ADARB1: variants seen among roughly 807,000 people sequenced by gnomAD.
ADARB1 encodes the protein adenosine deaminase RNA specific B1.
In ADARB1, 10 loss-of-function variants were observed where a neutral mutation model predicts 52.4. The ratio of observed to expected loss-of-function variants is 0.19; its 90% CI spans 0.12 to 0.32. ADARB1 has a LOEUF of 0.32. Ranked by LOEUF, ADARB1 falls within the 10% of genes least tolerant of loss-of-function variation. The pLI is 1.00. For missense variants in ADARB1, 643 were observed against 922.3 expected (o/e 0.70, Z 3.92); for synonymous variants, 349 against 371.1 (o/e 0.94, Z 0.68).
In ADARB1 at chr21:45,222,911, G is replaced by A. The variant is rs1332562805; in HGVS notation, c.*714G>A. 6 of 985,384 alleles carry A rather than the reference G, an allele frequency of 6.1e-6. No individual in the cohort carries two copies. In the East Asian group the frequency reaches 6.8e-4, roughly 112 times the overall value. The allele number at this position is 985,384 out of a possible 1,614,324, so 61.0% of individuals were successfully genotyped here. The stretch of plus-strand genomic sequence containing the variant: ...CAGAGGCGTGACCCAGGCCCCTGTA[G>A]CCCTCAGCCTCCTCTAGAAGCTTCT... On this transcript the variant is annotated 3_prime_UTR_variant, in exon 11 of 11. Transcript: ENST00000348831.
chr21:45,195,100 A>T (rs1311931611), intron 8 of ADARB1, among the ~76,000 whole-genome samples: 1 of 152,232 alleles, frequency 6.6e-6, no homozygotes, highest in African/African-American at 2.4e-5. Context: ...GTTTTGGGCC[A>T]TTCTAATACA....
chr21:45,126,249 G>A (rs1481301855), intron 1 of ADARB1, among the ~76,000 whole-genome samples: 2 of 152,178 alleles, frequency 1.3e-5, no homozygotes, highest in Non-Finnish European at 2.9e-5. Flanking sequence ...TCTATTTTTA[G>A]AAGTGGCTCA....
chr21:45,078,403 C>T (rs924015057), intron 1 of ADARB1, among the ~76,000 whole-genome samples: 4 of 152,164 alleles, frequency 2.6e-5, no homozygotes, highest in East Asian at 1.9e-4. Flanking sequence ...TGCCCTCAAG[C>T]GGTTCATTTT....
chr21:45,223,073 A>G lies in ADARB1; in HGVS notation c.*876A>G. 2.0e-6 allele frequency: 2 copies of G among 985,394 alleles called. No homozygotes were observed. The highest frequency in any genetic ancestry group is 2.4e-6 in the Non-Finnish European group (2 of 829,922). 61.0% of individuals were successfully genotyped at this position (985,394 alleles called of 1,614,324 possible). A position where few individuals can be genotyped will look rare whatever the true frequency, so the allele number is the denominator to read the frequency against. ...AGGATATTTAACTTTTATGGACTAG[A>G]AGGAATCACGAGGGCTACTGCACAA... On this transcript the variant is annotated 3_prime_UTR_variant, in exon 11 of 11. Transcript: ENST00000348831.
intron 2 of ADARB1, chr21:45,134,840 G>C (rs765379372): frequency 1.9e-6 from 1 of 534,086 alleles, no homozygotes; most frequent in South Asian, 1.4e-5. Context: ...CAGGTCAGTG[G>C]GTGATGGCAT....
At chr21:45,211,354 G>A (rs577706845) in intron 9 of ADARB1, among the ~76,000 whole-genome samples, 1 of 152,300 alleles carries the variant, frequency 6.6e-6, no homozygotes, top group South Asian at 2.1e-4. Flanking sequence ...CACTGGGGGT[G>A]CTGTGCACAG....
At chr21:45,096,645 G>A (rs961860216) in intron 1 of ADARB1, among the ~76,000 whole-genome samples, 2 of 152,326 alleles carry the variant, frequency 1.3e-5, no homozygotes, top group South Asian at 2.1e-4. Context: ...TCCTAGGGGC[G>A]ATCATACTAT....
At chr21:45,085,588 A>G (rs777237186) in intron 1 of ADARB1, among the ~76,000 whole-genome samples, 1 of 152,186 alleles carries the variant, frequency 6.6e-6, no homozygotes, top group East Asian at 1.9e-4. Context: ...AGTCCTTTAC[A>G]TACTATGTAT....
At chr21:45,216,067 A>G (rs1162012551) in intron 9 of ADARB1, among the ~76,000 whole-genome samples, 1 of 152,126 alleles carries the variant, frequency 6.6e-6, no homozygotes, top group Non-Finnish European at 1.5e-5. Flanking sequence ...TTTGTCTTTC[A>G]GGGAATTTGT....
At chr21:45,109,148 C>T (rs1012090274) in intron 1 of ADARB1, among the ~76,000 whole-genome samples, 1 of 151,126 alleles carries the variant, frequency 6.6e-6, no homozygotes, top group Admixed American at 6.6e-5. Flanking sequence ...TGTGTGTGTG[C>T]GCGCGTGTGC....
intron 1 of ADARB1, among the ~76,000 whole-genome samples, chr21:45,123,782 G>A (rs2088369021): frequency 6.6e-6 from 1 of 151,890 alleles, no homozygotes. Flanking sequence ...TTAATTTTTT[G>A]TAGAGATGGG....
intron 1 of ADARB1, among the ~76,000 whole-genome samples, chr21:45,085,465 G>A (rs1014969944): frequency 5.9e-5 from 9 of 152,184 alleles, no homozygotes; most frequent in East Asian, 3.8e-4. Context: ...CTTCAGCGCC[G>A]TGGCTGCAGT....
At chr21:45,113,505 G>C (rs1029621796) in intron 1 of ADARB1, among the ~76,000 whole-genome samples, 3 of 149,588 alleles carry the variant, frequency 2.0e-5, no homozygotes, top group Non-Finnish European at 3.0e-5. Context: ...ATATGTGTGT[G>C]TGTGTGTGTG....
intron 2 of ADARB1, among the ~76,000 whole-genome samples, chr21:45,159,237 G>A (rs1351082360): frequency 6.6e-6 from 1 of 152,136 alleles, no homozygotes; most frequent in Non-Finnish European, 1.5e-5. Context: ...ATGGCAGCCA[G>A]CAAAGAGAGA....
intron 1 of ADARB1, among the ~76,000 whole-genome samples, chr21:45,119,825 A>T (rs1265514312): frequency 6.6e-6 from 1 of 152,238 alleles, no homozygotes; most frequent in African/African-American, 2.4e-5. Context: ...ATATACCCAG[A>T]CAGCCCACAT....
At chr21:45,119,560 A>G (rs950020494) in intron 1 of ADARB1, among the ~76,000 whole-genome samples, 1 of 152,288 alleles carries the variant, frequency 6.6e-6, no homozygotes, top group Middle Eastern at 3.4e-3. Flanking sequence ...GTTGTTCTTT[A>G]CTATGTAAGA....
At chr21:45,130,792 T>G (rs1334656502) in intron 2 of ADARB1, among the ~76,000 whole-genome samples, 1 of 152,138 alleles carries the variant, frequency 6.6e-6, no homozygotes, top group Non-Finnish European at 1.5e-5. Flanking sequence ...TTGCCTTTCT[T>G]TTTGCTTGAA....
intron 9 of ADARB1, among the ~76,000 whole-genome samples, chr21:45,217,720 C>A (rs1449258784): frequency 1.3e-5 from 2 of 152,082 alleles, no homozygotes; most frequent in Non-Finnish European, 2.9e-5. Context: ...TGGAGGACTT[C>A]CTTTTACATT....
chr21:45,187,159 G>A (rs1253400996), intron 8 of ADARB1, among the ~76,000 whole-genome samples: 1 of 152,100 alleles, frequency 6.6e-6, no homozygotes, highest in Non-Finnish European at 1.5e-5. Context: ...ATGAACATGC[G>A]ATATATTTCC....
Sources: gnomAD v4.1 joint callset for allele counts (sites outside exome capture counted in the v4.1 genomes callset) on GRCh38, gnomAD v4.1.1 for gene constraint, MANE v1.5 for transcripts, NCBI Gene and HGNC (gene_info 2026-07-23, HGNC 2026-07-21) for gene names.